The following KRT6B variants were observed in gnomAD, a reference collection of about 807,000 sequenced individuals.
KRT6B encodes keratin, type II cytoskeletal 6B.
KRT6B carries 29 observed loss-of-function variants against 44.7 expected under a neutral mutation model. The ratio of observed to expected loss-of-function variants is 0.65; its 90% CI spans 0.48 to 0.88. KRT6B has a LOEUF of 0.88. Among genes scored for constraint, KRT6B ranks in the 40% least tolerant of loss-of-function variants. The pLI is 0.00. For missense variants in KRT6B, 600 were observed against 724.0 expected (o/e 0.83, Z 1.97); for synonymous variants, 213 against 296.0 (o/e 0.72, Z 2.88).
Position 52,451,875 on chromosome 12 carries a change from C to G in KRT6B, c.204G>C (p.Lys68Asn). 1 of 1,612,354 alleles carries G rather than the reference C, an allele frequency of 6.2e-7. No homozygotes were observed. The highest frequency in any genetic ancestry group is 1.1e-5 in the South Asian group (1 of 90,994). ...AGCTGCCCCCTCCAATGGAGATCCTCTTGGAGCCCCCCAGGCCATACAGAC... is the reference window on the plus strand; with the variant it reads ...AGCTGCCCCCTCCAATGGAGATCCTGTTGGAGCCCCCCAGGCCATACAGAC... ...SRSLYGLGGSKRISIGGGSCA... is the reference protein window; with the variant it reads ...SRSLYGLGGSNRISIGGGSCA... The change falls in exon 1 of 9, where the codon AAG becomes AAC. Residue 68 changes from lysine (K) to asparagine (N), a missense_variant. Physicochemically the swap from Lys to Asn is moderately conservative, Grantham distance 94. Around this residue, in one of 4 missense-constraint regions of KRT6B, gnomAD observed 78 missense variants for 97.5 expected, o/e 0.80. Coordinates refer to ENST00000252252, the MANE Select transcript of KRT6B (RefSeq NM_005555.4).
At chr12:52,451,356 T>G (rs411078) in intron 1 of KRT6B, among the ~76,000 whole-genome samples, 183 bp downstream of exon 1, 81,233 of 141,324 alleles carry the variant, frequency 0.57, 23,988 homozygotes, top group Middle Eastern at 0.7. Context: ...CCACTCCAGA[T>G]ATCCCATGGG....
chr12:52,448,116 C>T (rs1940342429), intron 6 of KRT6B, 118 bp from the exon 7 acceptor site: 1 of 1,303,912 alleles, frequency 7.7e-7, no homozygotes, highest in African/African-American at 1.5e-5. Context: ...GGTAAATGAG[C>T]TCTGACTCTT....
At position 52,446,817 on chromosome 12, in the gene KRT6B, A is replaced by G; in HGVS notation, c.*373T>C. 1 of 310,964 alleles carries G rather than the reference A, an allele frequency of 3.2e-6. No individual in the cohort carries two copies. Among genetic ancestry groups the G allele is most frequent in the Non-Finnish European group, 6.0e-6 (1 of 165,432 alleles). 19.3% of individuals were successfully genotyped at this position (310,964 alleles called of 1,614,324 possible). A position where few individuals can be genotyped will look rare whatever the true frequency, so the allele number is the denominator to read the frequency against. ...TTGTCAGATGAGAACTCCTGAGTGT[A>G]GCTATAATGGGCAGGATGGTTAGCA... On this transcript the variant is annotated 3_prime_UTR_variant, in exon 9 of 9. Transcript: ENST00000252252.
At position 52,446,818 on chromosome 12, in the gene KRT6B, G is replaced by GAT; in HGVS notation, c.*371_*372insAT. 9.5e-6 allele frequency: 3 copies of GAT among 315,774 alleles called. No homozygotes were observed. The highest frequency in any genetic ancestry group is 4.0e-5 in the South Asian group (1 of 24,738). 19.6% of individuals were successfully genotyped at this position (315,774 alleles called of 1,614,324 possible). ...TGTCAGATGAGAACTCCTGAGTGTA[G>GAT]CTATAATGGGCAGGATGGTTAGCAA... On this transcript the variant is annotated 3_prime_UTR_variant, in exon 9 of 9. Coordinates refer to ENST00000252252, the MANE Select transcript of KRT6B (RefSeq NM_005555.4).
intron 6 of KRT6B, 96 bp downstream of exon 6, chr12:52,448,746 C>A: frequency 6.9e-6 from 11 of 1,601,494 alleles, no homozygotes; most frequent in South Asian, 1.1e-5. Context: ...GCTTATCAAT[C>A]AATTCCCAAA....
chr12:52,448,030 C>T, intron 6 of KRT6B, 32 bp from the exon 7 acceptor site: 1 of 1,613,878 alleles, frequency 6.2e-7, no homozygotes, highest in Non-Finnish European at 8.5e-7. Context: ...AAGAACTTGT[C>T]ATCTGGTCTT....
At chr12:52,447,464 TGAG>T (rs1940329490) in intron 8 of KRT6B, 39 bp from the exon 9 acceptor site, 2 of 1,613,788 alleles carry the variant, frequency 1.2e-6, no homozygotes, top group Non-Finnish European at 1.7e-6. Flanking sequence ...GAAGCCACAA[TGAG>T]TTCATCCTGC....
Position 52,447,572 on chromosome 12 carries a change from G to C in KRT6B, c.1426C>G (p.Leu476Val), listed in dbSNP as rs1383960704. The C allele has an allele frequency of 6.2e-7, 1 of 1,613,928 alleles. No homozygotes were observed. Among genetic ancestry groups the C allele is most frequent in the Non-Finnish European group, 8.5e-7 (1 of 1,179,890 alleles). Residue 476 changes from leucine to valine, a missense_variant and splice_region_variant, in exon 8 of 9, where the codon CTG becomes GTG. Transcript: ENST00000252252. Reference sequence around the variant, plus strand: ...ACTTGTCCAACGCCTTCGCCATTCAGCCTGTGGAGAGGAACACAGGGAGGG... The same window carrying C: ...ACTTGTCCAACGCCTTCGCCATTCACCCTGTGGAGAGGAACACAGGGAGGG... ...RKLLEGEECR[L>V]NGEGVGQVNI...
chr12:52,448,098 G>A lies in KRT6B; in HGVS notation c.1204-100C>T. On this transcript the variant is annotated intron_variant, in intron 6 of 8. Coordinates refer to ENST00000252252, the MANE Select transcript of KRT6B (RefSeq NM_005555.4). The stretch of plus-strand genomic sequence containing the variant: ...CAGTGAAGAAGGCACCAGGAACCCA[G>A]AACTGATGGTAAATGAGCTCTGACT... The A allele has an allele frequency of 6.1e-6, 9 of 1,464,920 alleles. No homozygotes were observed. In the South Asian group the frequency reaches 8.1e-5, roughly 13 times the overall value. The allele number at this position is 1,464,920 out of a possible 1,614,324, so 90.7% of individuals were successfully genotyped here.
At chr12:52,451,323 C>T (rs377561926) in intron 1 of KRT6B, among the ~76,000 whole-genome samples, 7 of 146,558 alleles carry the variant, frequency 4.8e-5, no homozygotes, top group South Asian at 4.4e-4. Flanking sequence ...AAAGTTATGG[C>T]TCTCCCTAGG....
rs752273636 is a variant in KRT6B at position 52,450,519 on chromosome 12, G to A, written c.642C>T (p.Phe214=). ...KTVRQNLEPL[F]EQYINNLRRQ... ...TCCTGAGGTTGTTGATGTACTGCTC[G>A]AACAACGGCTCCAGGTTCTGCCTCA... The change falls in exon 2 of 9, where the codon TTC becomes TTT. Residue 214 remains phenylalanine, a synonymous_variant. Transcript: ENST00000252252. 63 of 1,614,098 alleles carry A rather than the reference G, an allele frequency of 3.9e-5. No homozygotes were observed. Among genetic ancestry groups the A allele is most frequent in the African/African-American group, 8.0e-5 (6 of 74,916 alleles).
chr12:52,451,381 C>T (rs1940400123), intron 1 of KRT6B, among the ~76,000 whole-genome samples, 158 bp downstream of exon 1: 1 of 151,050 alleles, frequency 6.6e-6, no homozygotes, highest in African/African-American at 2.5e-5. Context: ...TGATGCCCAT[C>T]TGTGCTGCCT....
At chr12:52,447,505 AG>A in intron 8 of KRT6B, 33 bp downstream of exon 8, 2 of 1,614,058 alleles carry the variant, frequency 1.2e-6, no homozygotes, top group Non-Finnish European at 1.7e-6. Flanking sequence ...GGAGAGTGCA[AG>A]GGCAGGGGAG....
At chr12:52,450,960 A>G (rs1379086623) in intron 1 of KRT6B, among the ~76,000 whole-genome samples, 1 of 152,216 alleles carries the variant, frequency 6.6e-6, no homozygotes, top group Non-Finnish European at 1.5e-5. Flanking sequence ...TTTTTTACCG[A>G]GAGGATCTTA....
rs150128167 is a variant in KRT6B at position 52,447,791 on chromosome 12, C to A, written c.1411G>T (p.Gly471Cys). 1 of 1,614,214 alleles carries A rather than the reference C, an allele frequency of 6.2e-7. No homozygotes were observed. The highest frequency in any genetic ancestry group is 1.3e-5 in the African/African-American group (1 of 75,058). ...EIATYRKLLEGEECRLNGEGV... is the reference protein window; with the variant it reads ...EIATYRKLLECEECRLNGEGV... ...TCAGTTACCCACCTGCACTCCTCGC[C>A]CTCCAGCAGCTTGCGGTAGGTGGCG... The change falls in exon 7 of 9, where the codon GGC becomes TGC. Residue 471 changes from glycine to cysteine, a missense_variant. Transcript: ENST00000252252.
At chr12:52,448,167 G>A (rs193064595) in intron 6 of KRT6B, among the ~76,000 whole-genome samples, 169 bp from the exon 7 acceptor site, 11 of 152,252 alleles carry the variant, frequency 7.2e-5, no homozygotes, top group African/African-American at 2.6e-4. Flanking sequence ...TTTTACGTCT[G>A]GAGTCACATG....
At chr12:52,448,221 G>A (rs1191871238) in intron 6 of KRT6B, among the ~76,000 whole-genome samples, 1 of 152,170 alleles carries the variant, frequency 6.6e-6, no homozygotes, top group Admixed American at 6.5e-5. Flanking sequence ...GCCTAAAGAT[G>A]TGGGTGATGA....
At position 52,449,779 on chromosome 12, in the gene KRT6B, G is replaced by A; in HGVS notation, c.891C>T (p.Phe297=). The A allele has an allele frequency of 6.2e-7, 1 of 1,613,978 alleles. No individual in the cohort carries two copies. Among genetic ancestry groups the A allele is most frequent in the Non-Finnish European group, 8.5e-7 (1 of 1,179,898 alleles). ...KADTLTDEIN[F]LRALYDAELS... ...TTACTGCATCATACAAGGCTCTCAG[G>A]AAGTTGATCTCATCTGTAAGAGTGT... The change falls in exon 4 of 9, where the codon TTC becomes TTT. Residue 297 remains phenylalanine (F), a synonymous_variant. Coordinates refer to ENST00000252252, the MANE Select transcript of KRT6B (RefSeq NM_005555.4).
rs1181284099 is a variant in KRT6B at position 52,450,337 on chromosome 12, T to C, written c.755+69A>G. ...TTCCATGGACATGGGTTGTTAGGAA[T>C]CCTACACACATCTGGCCCTGGTCAC... On this transcript the variant is annotated intron_variant, in intron 2 of 8. Transcript: ENST00000252252. 3.1e-5 allele frequency: 49 copies of C among 1,559,642 alleles called. No individual in the cohort carries two copies. The South Asian group carries it at 5.5e-4, about 17-fold the overall frequency.
Sources: gnomAD v4.1 joint callset for allele counts (sites outside exome capture counted in the v4.1 genomes callset) on GRCh38, gnomAD v4.1.1 for gene constraint, gnomAD v4.1.1 regional missense constraint, MANE v1.5 for transcripts, NCBI Gene and HGNC (gene_info 2026-07-23, HGNC 2026-07-21) for gene names.